The following FALEC variants were observed in gnomAD, a reference collection of about 807,000 sequenced individuals.
The protein encoded by FALEC is focally amplified lncRNA regulator of ECM1.
chr1:150,518,810 A>G (rs1670603584), downstream of FALEC, among the ~76,000 whole-genome samples: 1 of 151,966 alleles, frequency 6.6e-6, no homozygotes, highest in Non-Finnish European at 1.5e-5. Flanking sequence ...TAATCCGGGC[A>G]CTTTGGGAGG....
At chr1:150,534,525 C>A in the FALEC span, among the ~76,000 whole-genome samples, 1 of 152,144 alleles carries the variant, frequency 6.6e-6, no homozygotes, top group Non-Finnish European at 1.5e-5. Flanking sequence ...CCAGCCCCCA[C>A]TCAGGAGATG....
At chr1:150,516,662 G>T (rs963468807) in intron 1 of FALEC, among the ~76,000 whole-genome samples, 1 of 152,182 alleles carries the variant, frequency 6.6e-6, no homozygotes, top group African/African-American at 2.4e-5. Flanking sequence ...ATTCAGGGGC[G>T]GTGAGTAAAG....
the FALEC span, among the ~76,000 whole-genome samples, chr1:150,532,953 A>T: frequency 6.6e-6 from 1 of 152,102 alleles, no homozygotes; most frequent in Non-Finnish European, 1.5e-5. Context: ...GCAACTAGAG[A>T]GGAAGAGCTT....
the FALEC span, among the ~76,000 whole-genome samples, chr1:150,535,337 A>G: frequency 1.3e-5 from 2 of 151,986 alleles, no homozygotes; most frequent in African/African-American, 4.8e-5. Flanking sequence ...TCCGCCTCCC[A>G]GGTTCAAGCA....
chr1:150,526,211 G>T, the FALEC span, among the ~76,000 whole-genome samples: 1 of 151,904 alleles, frequency 6.6e-6, no homozygotes, highest in East Asian at 1.9e-4. Flanking sequence ...TCAGCTGGGC[G>T]CGGTAGCGGG....
chr1:150,528,448 G>A, the FALEC span, among the ~76,000 whole-genome samples: 2,101 of 152,190 alleles, frequency 0.014, 52 homozygotes, highest in African/African-American at 0.048. Flanking sequence ...TAGCCGACAT[G>A]TCATCCCTGA....
downstream of FALEC, among the ~76,000 whole-genome samples, chr1:150,521,033 T>G (rs1670635960): frequency 6.6e-6 from 1 of 152,110 alleles, no homozygotes; most frequent in Non-Finnish European, 1.5e-5. Context: ...ACTCCCGACC[T>G]CAGGTGATCT....
At chr1:150,535,594 T>C in the FALEC span, among the ~76,000 whole-genome samples, 2 of 152,236 alleles carry the variant, frequency 1.3e-5, no homozygotes, top group Non-Finnish European at 2.9e-5. Context: ...CCAATATGTG[T>C]GTGGGACTTA....
chr1:150,533,859 G>C, the FALEC span, among the ~76,000 whole-genome samples: 1 of 152,184 alleles, frequency 6.6e-6, no homozygotes, highest in Non-Finnish European at 1.5e-5. Flanking sequence ...GCTTCCATAT[G>C]CATGGGGTAT....
downstream of FALEC, among the ~76,000 whole-genome samples, chr1:150,522,936 T>TACATATATATAC (rs1176709474): frequency 6.1e-4 from 1 of 1,628 alleles, no homozygotes; most frequent in Non-Finnish European, 1.4e-3. Context: ...CATATATATG[T>TACATATATATAC]GTGTGTGTGT....
At chr1:150,519,116 G>C (rs761936306), downstream of FALEC, among the ~76,000 whole-genome samples, 3 of 152,058 alleles carry the variant, frequency 2.0e-5, no homozygotes, top group Admixed American at 1.3e-4. Flanking sequence ...TAGCTCAATG[G>C]ATGGTTATAA....
chr1:150,519,485 C>A (rs959721219), downstream of FALEC, among the ~76,000 whole-genome samples: 1 of 152,002 alleles, frequency 6.6e-6, no homozygotes, highest in African/African-American at 2.4e-5. Context: ...CTTTGGGAGA[C>A]CGAGGTGGGC....
the FALEC span, among the ~76,000 whole-genome samples, chr1:150,535,313 A>G: frequency 6.6e-5 from 10 of 151,958 alleles, no homozygotes; most frequent in Non-Finnish European, 1.2e-4. Flanking sequence ...GCGCAATCTC[A>G]GCTCACTGCA....
the FALEC span, among the ~76,000 whole-genome samples, chr1:150,528,306 T>C: frequency 6.6e-6 from 1 of 152,240 alleles, no homozygotes; most frequent in Admixed American, 6.5e-5. Context: ...TGTCAACTCC[T>C]GCTTCTTGAT....
downstream of FALEC, among the ~76,000 whole-genome samples, chr1:150,522,257 A>AG (rs1235049225): frequency 8.6e-5 from 10 of 116,168 alleles, no homozygotes; most frequent in South Asian, 1.9e-3. Context: ...AAAAAAAAAA[A>AG]AAAGAAAGAA....
downstream of FALEC, among the ~76,000 whole-genome samples, chr1:150,518,822 C>T (rs1172801289): frequency 4.0e-5 from 6 of 151,824 alleles, no homozygotes; most frequent in African/African-American, 1.2e-4. Flanking sequence ...TTTGGGAGGC[C>T]GAGTTGGGCG....
chr1:150,523,744 C>G, the FALEC span, among the ~76,000 whole-genome samples: 1 of 151,908 alleles, frequency 6.6e-6, no homozygotes, highest in Non-Finnish European at 1.5e-5. Context: ...ATAATGGCCC[C>G]AAAGATTTCC....
downstream of FALEC, among the ~76,000 whole-genome samples, chr1:150,522,631 A>AC (rs1030552725): frequency 6.6e-6 from 1 of 151,206 alleles, no homozygotes; most frequent in African/African-American, 2.4e-5. Context: ...AAAAAAAAAA[A>AC]AAAAACAAGA....
At chr1:150,529,023 A>AAAT in the FALEC span, among the ~76,000 whole-genome samples, 1 of 149,768 alleles carries the variant, frequency 6.7e-6, no homozygotes, top group East Asian at 1.9e-4. Context: ...TAGCAAAAAA[A>AAAT]AAAAAAAAAA....
Sources: gnomAD v4.1 joint callset for allele counts (sites outside exome capture counted in the v4.1 genomes callset) on GRCh38, gnomAD v4.1.1 for gene constraint, MANE v1.5 for transcripts, NCBI Gene and HGNC (gene_info 2026-07-23, HGNC 2026-07-21) for gene names.